The following RNF141 variants were observed in gnomAD, a reference collection of about 807,000 sequenced individuals.
RNF141 encodes ring finger protein 141.
A neutral mutation model predicts 27.4 loss-of-function variants in RNF141; 18 were observed. That is an observed-to-expected ratio of 0.66 (90% CI 0.45 to 0.97). The LOEUF (loss-of-function observed/expected upper bound fraction) is 0.97. Among genes scored for constraint, RNF141 ranks in the 50% least tolerant of loss-of-function variants. The pLI is 0.00. For synonymous variants in RNF141, 97 were observed against 96.6 expected (o/e 1.00, Z -0.02); for missense variants, 230 against 279.4 (o/e 0.82, Z 1.26).
intron 5 of RNF141, 47 bp from the exon 6 acceptor site, chr11:10,515,113 A>AAACAGGATTTTT (rs1189021387): frequency 1.3e-6 from 2 of 1,563,360 alleles, no homozygotes; most frequent in Non-Finnish European, 1.7e-6. Context: ...TCTTTTTTAA[A>AAACAGGATTTTT]AACAGGATTT....
In RNF141 at chr11:10,512,959, C is replaced by T. The variant is rs1014524285; in HGVS notation, c.*1957G>A. ...GGTATAGGGTATGTGTGTATGCACACGTGTTTAAAGGTTCTGTAAGATTTT... is the reference window on the plus strand; with the variant it reads ...GGTATAGGGTATGTGTGTATGCACATGTGTTTAAAGGTTCTGTAAGATTTT... On this transcript the variant is annotated 3_prime_UTR_variant, in exon 6 of 6. Coordinates refer to ENST00000265981, the MANE Select transcript of RNF141 (RefSeq NM_016422.4). The T allele has an allele frequency of 3.9e-5, 6 of 152,092 alleles. No homozygotes were observed. Among genetic ancestry groups the T allele is most frequent in the Admixed American group, 2.0e-4 (3 of 15,276 alleles). The allele number at this position is 152,092 out of a possible 1,614,324, so 9.4% of individuals were successfully genotyped here.
chr11:10,524,366 G>C (rs1224668904), intron 4 of RNF141, among the ~76,000 whole-genome samples: 1 of 152,014 alleles, frequency 6.6e-6, no homozygotes, highest in African/African-American at 2.4e-5. Flanking sequence ...AGTGAGCCGA[G>C]ATCGCGCCTG....
Position 10,514,691 on chromosome 11 carries a change from AAAT to A in RNF141, c.*222_*224del. On this transcript the variant is annotated 3_prime_UTR_variant, in exon 6 of 6. Coordinates refer to ENST00000265981, the MANE Select transcript of RNF141 (RefSeq NM_016422.4). ...TGTAATAATACAAATTTGAACAGAT[AAAT>A]AATAGGAAAATATGGTCTAAAACAG... The A allele has an allele frequency of 2.4e-6, 1 of 418,030 alleles. No individual in the cohort carries two copies. Among genetic ancestry groups the A allele is most frequent in the Non-Finnish European group, 4.2e-6 (1 of 239,170 alleles). 25.9% of individuals were successfully genotyped at this position (418,030 alleles called of 1,614,324 possible).
At chr11:10,536,253 G>GAC (rs1850033589) in intron 1 of RNF141, among the ~76,000 whole-genome samples, 1 of 152,010 alleles carries the variant, frequency 6.6e-6, no homozygotes. Context: ...GCAAAAGGAG[G>GAC]ACACTCCAGG....
chr11:10,539,701 A>ATATATATATATATATAT (rs10524171), intron 1 of RNF141, among the ~76,000 whole-genome samples: 2,005 of 31,400 alleles, frequency 0.064, 385 homozygotes, highest in South Asian at 0.2. Context: ...CATATATATT[A>ATATATATATATATATAT]GAGAGAGAAG....
intron 4 of RNF141, among the ~76,000 whole-genome samples, chr11:10,524,312 G>A (rs929690013): frequency 2.6e-5 from 4 of 152,170 alleles, no homozygotes; most frequent in Non-Finnish European, 1.5e-5. Flanking sequence ...CTACTTGGGA[G>A]GCTGAGGCAG....
chr11:10,530,278 T>C (rs936234919), intron 3 of RNF141, among the ~76,000 whole-genome samples: 5 of 152,210 alleles, frequency 3.3e-5, no homozygotes, highest in African/African-American at 1.2e-4. Context: ...AATGTATTCT[T>C]AAAAGAAATG....
At chr11:10,532,529 AC>A (rs1048026746) in intron 2 of RNF141, among the ~76,000 whole-genome samples, 46 of 108,880 alleles carry the variant, frequency 4.2e-4, no homozygotes, top group African/African-American at 1.3e-3. Flanking sequence ...ACACACACAC[AC>A]ACACACACCC....
intron 5 of RNF141, among the ~76,000 whole-genome samples, chr11:10,518,076 C>G (rs947098227): frequency 6.6e-6 from 1 of 152,056 alleles, no homozygotes; most frequent in Non-Finnish European, 1.5e-5. Flanking sequence ...TAGGAAGATG[C>G]ACTAGTAAGA....
chr11:10,540,031 A>C (rs1380329419), intron 1 of RNF141, among the ~76,000 whole-genome samples: 1 of 152,132 alleles, frequency 6.6e-6, no homozygotes, highest in African/African-American at 2.4e-5. Context: ...AAAGAAAAGG[A>C]TAAAAATCCA....
At chr11:10,528,319 G>T (rs569652178) in intron 3 of RNF141, among the ~76,000 whole-genome samples, 3 of 152,162 alleles carry the variant, frequency 2.0e-5, no homozygotes, top group Admixed American at 6.5e-5. Context: ...CTTTCAGAAA[G>T]AACCTAAGGA....
chr11:10,537,052 C>G (rs2054392), intron 1 of RNF141, among the ~76,000 whole-genome samples: 53,248 of 152,124 alleles, frequency 0.35, 10,476 homozygotes, highest in East Asian at 0.66. Context: ...GTTTAAATAT[C>G]TGAGGAGCTG....
intron 2 of RNF141, among the ~76,000 whole-genome samples, chr11:10,531,354 GAC>G (rs1849984598): frequency 7.7e-6 from 1 of 129,770 alleles, no homozygotes; most frequent in African/African-American, 3.0e-5. Context: ...CAGCCTGGGC[GAC>G]AGAGTGAGAC....
chr11:10,533,803 A>G (rs930609474), intron 2 of RNF141, among the ~76,000 whole-genome samples: 2 of 152,166 alleles, frequency 1.3e-5, no homozygotes, highest in Non-Finnish European at 2.9e-5. Flanking sequence ...TTCCATTTTA[A>G]GTTCTTTCCA....
At chr11:10,529,830 G>A (rs937068489) in intron 3 of RNF141, among the ~76,000 whole-genome samples, 1 of 152,114 alleles carries the variant, frequency 6.6e-6, no homozygotes, top group Non-Finnish European at 1.5e-5. Context: ...ATGTTTATCT[G>A]AATAAACTGG....
intron 2 of RNF141, among the ~76,000 whole-genome samples, chr11:10,533,317 A>G (rs1247375366): frequency 6.6e-6 from 1 of 152,202 alleles, no homozygotes; most frequent in African/African-American, 2.4e-5. Flanking sequence ...AAATTGATAA[A>G]TAAATTAACA....
chr11:10,531,864 G>A (rs948032685), intron 2 of RNF141: 67 of 235,608 alleles, frequency 2.8e-4, no homozygotes, highest in Non-Finnish European at 3.6e-4. Context: ...TAATTCAGCC[G>A]TGCCAGTTTC....
intron 5 of RNF141, chr11:10,516,758 G>A (rs1232906183): frequency 6.6e-6 from 1 of 152,228 alleles, no homozygotes; most frequent in Non-Finnish European, 1.5e-5. Flanking sequence ...TGGGGTATCA[G>A]TAGAGTTCTC....
At chr11:10,534,761 G>T (rs903577339) in intron 1 of RNF141, among the ~76,000 whole-genome samples, 3 of 152,052 alleles carry the variant, frequency 2.0e-5, no homozygotes, top group African/African-American at 7.2e-5. Flanking sequence ...TTGTTTTTCA[G>T]ATTCTAGTAC....
Sources: gnomAD v4.1 joint callset for allele counts (sites outside exome capture counted in the v4.1 genomes callset) on GRCh38, gnomAD v4.1.1 for gene constraint, MANE v1.5 for transcripts, NCBI Gene and HGNC (gene_info 2026-07-23, HGNC 2026-07-21) for gene names.